The following NOTCH1 variants were observed in gnomAD, a reference collection of about 807,000 sequenced individuals.
NOTCH1 encodes neurogenic locus notch homolog protein 1.
A neutral mutation model predicts 254.8 loss-of-function variants in NOTCH1; 37 were observed. That is an observed-to-expected ratio of 0.15 (90% CI 0.11 to 0.19). NOTCH1 has a LOEUF of 0.19. Ranked by LOEUF, NOTCH1 falls within the 10% of genes least tolerant of loss-of-function variation. The pLI is 1.00. For synonymous variants in NOTCH1, 1,731 were observed against 1,618.1 expected, an observed-to-expected ratio of 1.07 and a Z score of -1.68; for missense variants, 2,972 against 3,708.6, an observed-to-expected ratio of 0.80 and a Z score of 5.16.
In NOTCH1 at chr9:136,495,777, C is replaced by A; in HGVS notation, c.*294G>T. 2.4e-6 allele frequency: 1 copy of A among 419,162 alleles called. No individual in the cohort carries two copies. The highest frequency in any genetic ancestry group is 4.2e-6 in the Non-Finnish European group (1 of 236,194). The allele number at this position is 419,162 out of a possible 1,614,324, so 26.0% of individuals were successfully genotyped here. Reference sequence around the variant, plus strand: ...TTATATTTTATAAACACAGAAGAATCTTTTCATCCTACGTAGGAAAACCCT... The same window carrying A: ...TTATATTTTATAAACACAGAAGAATATTTTCATCCTACGTAGGAAAACCCT... On this transcript the variant is annotated 3_prime_UTR_variant, in exon 34 of 34. Coordinates refer to ENST00000651671, the MANE Select transcript of NOTCH1 (RefSeq NM_017617.5).
chr9:136,535,239 G>T (rs552477595), intron 2 of NOTCH1, among the ~76,000 whole-genome samples: 1 of 151,850 alleles, frequency 6.6e-6, no homozygotes, highest in Non-Finnish European at 1.5e-5. Context: ...AGGTGGGAGG[G>T]GCCAGGCCCC....
chr9:136,495,339 C>G lies in NOTCH1; in HGVS notation c.*732G>C, dbSNP rs1842899999. 1 of 398,722 alleles carries G rather than the reference C, an allele frequency of 2.5e-6. No individual in the cohort carries two copies. Among genetic ancestry groups the G allele is most frequent in the African/African-American group, 2.1e-5 (1 of 48,628 alleles). The allele number at this position is 398,722 out of a possible 1,614,324, so 24.7% of individuals were successfully genotyped here. A position where few individuals can be genotyped will look rare whatever the true frequency, so the allele number is the denominator to read the frequency against. On this transcript the variant is annotated 3_prime_UTR_variant, in exon 34 of 34. Transcript: ENST00000651671. ...AACGAACAACTACATAATACTGAAC[C>G]TGAAACAAAGATTCATGATTGGTAC...
intron 27 of NOTCH1, chr9:136,502,976 TC>T (rs1564189374): frequency 2.7e-6 from 2 of 739,910 alleles, no homozygotes; most frequent in Non-Finnish European, 4.8e-6. Context: ...CTGGACTCGT[TC>T]CCAGGTGGCT....
At chr9:136,510,453 G>A in intron 17 of NOTCH1, 200 bp downstream of exon 17, 1 of 667,688 alleles carries the variant, frequency 1.5e-6, no homozygotes, top group Non-Finnish European at 2.6e-6. Context: ...CGAAGTGCAG[G>A]GAGGAGCAAG....
intron 22 of NOTCH1, 131 bp from the exon 23 acceptor site, chr9:136,507,104 G>A: frequency 6.8e-7 from 1 of 1,470,204 alleles, no homozygotes; most frequent in Non-Finnish European, 9.3e-7. Context: ...GGTGTCAAGG[G>A]TGCCGTGGAG....
chr9:136,523,296 T>C (rs950142893), intron 3 of NOTCH1, 108 bp from the exon 4 acceptor site: 31 of 1,132,628 alleles, frequency 2.7e-5, no homozygotes, highest in Non-Finnish European at 3.8e-5. Context: ...CCACCTTAGG[T>C]GCTATCACAT....
rs2133347463 is a variant in NOTCH1 at position 136,508,320 on chromosome 9, G to A, written c.3237C>T (p.Thr1079=). The change falls in exon 20 of 34, where the codon ACC becomes ACT. Residue 1079 remains threonine, a synonymous_variant. Transcript: ENST00000651671. ...CGCTGGGGCACTCGCAGCGGTACTG[G>A]GTGTGGGTCTGCCAGCATTTGCCGC... ...KNGGKCWQTH[T]QYRCECPSGW... The A allele has an allele frequency of 6.2e-7, 1 of 1,613,034 alleles. No individual in the cohort carries two copies. Among genetic ancestry groups the A allele is most frequent in the Non-Finnish European group, 8.5e-7 (1 of 1,180,000 alleles).
Position 136,513,189 on chromosome 9 carries a change from G to T in NOTCH1, c.2354-55C>A. 1 of 1,519,644 alleles carries T rather than the reference G, an allele frequency of 6.6e-7. No individual in the cohort carries two copies. Among genetic ancestry groups the T allele is most frequent in the Non-Finnish European group, 9.1e-7 (1 of 1,095,936 alleles). The allele number at this position is 1,519,644 out of a possible 1,614,324, so 94.1% of individuals were successfully genotyped here. A position where few individuals can be genotyped will look rare whatever the true frequency, so the allele number is the denominator to read the frequency against. Reference sequence around the variant, plus strand: ...TCCAGCACTCCCAGGCACCTTGGCAGGGCCCCACAACAGCAGCCCTGGGCC... The same window carrying T: ...TCCAGCACTCCCAGGCACCTTGGCATGGCCCCACAACAGCAGCCCTGGGCC... On this transcript the variant is annotated intron_variant, in intron 14 of 33. Transcript: ENST00000651671. The surrounding 1 kb of genome is among the most constrained non-coding windows in gnomAD (Gnocchi z 4.7).
rs2133335818 is a variant in NOTCH1 at position 136,504,716 on chromosome 9, C to A, written c.4975G>T (p.Gly1659Cys). Reference protein sequence around the residue: ...KASLLPGGSEGGRRRRELDPM... With the variant: ...KASLLPGGSECGRRRRELDPM... ...TCCAGCTCCCTCCGCCGCCGCCCAC[C>A]CTCGCTGCCACCAGGGAGCAGCGAG... The change falls in exon 26 of 34, where the codon GGT becomes TGT. Residue 1659 changes from glycine to cysteine, a missense_variant. Transcript: ENST00000651671. The A allele has an allele frequency of 6.5e-7, 1 of 1,540,352 alleles. No individual in the cohort carries two copies. The highest frequency in any genetic ancestry group is 1.2e-5 in the South Asian group (1 of 83,434).
intron 9 of NOTCH1, among the ~76,000 whole-genome samples, chr9:136,516,848 T>C (rs1487094489): frequency 1.3e-5 from 2 of 151,566 alleles, no homozygotes; most frequent in Non-Finnish European, 2.9e-5. Context: ...CTGAAAACAC[T>C]CCCATCCACT....
chr9:136,520,749 T>A (rs1214911472), intron 4 of NOTCH1, among the ~76,000 whole-genome samples: 1 of 143,390 alleles, frequency 7.0e-6, no homozygotes, highest in African/African-American at 2.8e-5. Flanking sequence ...AAAAAAAAAA[T>A]TCAGAGCCTG....
At chr9:136,522,543 G>T (rs1393533944) in intron 4 of NOTCH1, 8 of 413,868 alleles carry the variant, frequency 1.9e-5, no homozygotes, top group Non-Finnish European at 3.4e-5. Context: ...AACCCTGGGG[G>T]TTGCGCAAGT....
intron 31 of NOTCH1, 99 bp downstream of exon 31, chr9:136,500,453 C>T (rs1356487669): frequency 1.6e-5 from 24 of 1,455,320 alleles, no homozygotes; most frequent in South Asian, 2.3e-5. Context: ...CAGCTGTGCT[C>T]GGGGTCAGGC....
At chr9:136,538,915 A>G (rs1432918949) in intron 2 of NOTCH1, among the ~76,000 whole-genome samples, 1 of 152,202 alleles carries the variant, frequency 6.6e-6, no homozygotes, top group East Asian at 1.9e-4. Flanking sequence ...TATAGACGAG[A>G]CATGAAACAG....
chr9:136,526,086 G>A (rs964192024), intron 2 of NOTCH1, among the ~76,000 whole-genome samples: 9 of 152,358 alleles, frequency 5.9e-5, no homozygotes, highest in African/African-American at 1.7e-4. Context: ...TCCATCCCAT[G>A]TGGCCGGTCA....
rs775315894 is a variant in NOTCH1, at chr9:136,499,101, C to T, written c.6082+11G>A. On this transcript the variant is annotated intron_variant, in intron 32 of 33. Coordinates refer to ENST00000651671, the MANE Select transcript of NOTCH1 (RefSeq NM_017617.5). Reference sequence around the variant, plus strand: ...CCCCACGACAGAGCAGCCGTGCCCCCGTGGGCTCACCCAGGTCATCTACGG... The same window carrying T: ...CCCCACGACAGAGCAGCCGTGCCCCTGTGGGCTCACCCAGGTCATCTACGG... 1.7e-5 allele frequency: 28 copies of T among 1,613,002 alleles called. No individual in the cohort carries two copies. The highest frequency in any genetic ancestry group is 4.4e-5 in the South Asian group (4 of 91,090).
chr9:136,505,718 C>T lies in NOTCH1; in HGVS notation c.4178G>A (p.Gly1393Asp), dbSNP rs748587945. ...CCCCTGGTTGTAGCAGGGGTTGCCG[C>T]CCAGGCAGGGGCTGCTGGCCGGGAA... ...CQFPASSPCL[G>D]GNPCYNQGTC... The change falls in exon 25 of 34, where the codon GGC (glycine) becomes GAC (aspartate). Residue 1393 changes from glycine (G) to aspartate (D), a missense_variant. By Grantham distance (94) the Gly-to-Asp change is moderately conservative. Around this residue, in one of 8 missense-constraint regions of NOTCH1, gnomAD observed 1,343 missense variants for 1,557.0 expected, o/e 0.86. Transcript: ENST00000651671. The T allele has an allele frequency of 6.3e-7, 1 of 1,599,744 alleles. No individual in the cohort carries two copies. Among genetic ancestry groups the T allele is most frequent in the Non-Finnish European group, 8.5e-7 (1 of 1,171,436 alleles).
In NOTCH1 at chr9:136,497,439, G is replaced by C. The variant is rs773483690; in HGVS notation, c.6300C>G (p.Ile2100Met). 6.2e-7 allele frequency: 1 copy of C among 1,612,272 alleles called. No homozygotes were observed. The highest frequency in any genetic ancestry group is 1.7e-5 in the Admixed American group (1 of 60,020). The change falls in exon 34 of 34, where the codon ATC (isoleucine) becomes ATG (methionine). Residue 2100 changes from isoleucine (I) to methionine (M), a missense_variant. This residue lies in a region of NOTCH1 where 529 missense variants were observed against 529.2 expected (regional missense o/e 1.00). Transcript: ENST00000651671. ...TDHMDRLPRD[I>M]AQERMHHDIV... Reference sequence around the variant, plus strand: ...TGTCGTGATGCATGCGCTCCTGTGCGATGTCGCGCGGCAGGCGGTCCATAT... The same window carrying C: ...TGTCGTGATGCATGCGCTCCTGTGCCATGTCGCGCGGCAGGCGGTCCATAT...
At chr9:136,532,700 G>A (rs945091778) in intron 2 of NOTCH1, among the ~76,000 whole-genome samples, 4 of 152,250 alleles carry the variant, frequency 2.6e-5, no homozygotes, top group Admixed American at 2.0e-4. Context: ...AGCCCTGGGG[G>A]ACACTTCATG....
Sources: gnomAD v4.1 joint callset for allele counts (sites outside exome capture counted in the v4.1 genomes callset) on GRCh38, gnomAD v4.1.1 for gene constraint, gnomAD v4.1.1 regional missense constraint, Gnocchi (gnomAD v3.1) non-coding constraint, MANE v1.5 for transcripts, NCBI Gene and HGNC (gene_info 2026-07-23, HGNC 2026-07-21) for gene names.